The following BRD1 variants were observed in gnomAD, a reference collection of about 807,000 sequenced individuals.
The protein encoded by BRD1 is bromodomain containing 1, also known as bromodomain-containing protein 1.
In BRD1, 24 loss-of-function variants were observed where a neutral mutation model predicts 107.7. The observed-to-expected ratio is 0.22, with a 90% confidence interval of 0.16 to 0.31. The LOEUF is 0.31. BRD1 is among the 10% of genes least tolerant of loss of function. BRD1 has a pLI of 1.00. For synonymous variants in BRD1, 744 were observed against 686.1 expected (o/e 1.08, Z -1.32); for missense variants, 1,279 against 1,638.6 (o/e 0.78, Z 3.79).
rs1444018709 is a variant in BRD1 at position 49,823,501 on chromosome 22, G to A, written c.817C>T (p.Leu273=). 2.5e-6 allele frequency: 4 copies of A among 1,604,606 alleles called. No homozygotes were observed. In the Admixed American group the frequency reaches 5.0e-5, roughly 20 times the overall value. ...AAGGCACCACCCTTGTTGGGGCACA[G>A]CACACAGTCGGCGGGCCGGGCCCGC... is the stretch of plus-strand genomic sequence containing the variant. ...QSRARPADCV[L]CPNKGGAFKK... is the part of the protein sequence containing the mutation. Residue 273 remains leucine (L), a synonymous_variant, in exon 2 of 13, where the codon CTG becomes TTG. Coordinates refer to ENST00000404760, the MANE Select transcript of BRD1 (RefSeq NM_001304808.3).
At chr22:49,782,809 A>G (rs2059238092) in intron 8 of BRD1, among the ~76,000 whole-genome samples, 1 of 130,946 alleles carries the variant, frequency 7.6e-6, no homozygotes, top group Non-Finnish European at 1.6e-5. Context: ...ATGACAATGC[A>G]GCTGGGACGG....
intron 2 of BRD1, among the ~76,000 whole-genome samples, chr22:49,810,361 T>C (rs1416876026): frequency 6.6e-6 from 1 of 152,142 alleles, no homozygotes; most frequent in African/African-American, 2.4e-5. Flanking sequence ...TCTTAAAATA[T>C]ATATATATGT....
At chr22:49,825,235 C>A (rs1057252979) in intron 1 of BRD1, among the ~76,000 whole-genome samples, 2 of 152,280 alleles carry the variant, frequency 1.3e-5, no homozygotes, top group East Asian at 1.9e-4. Context: ...CTGTTCTCCC[C>A]GGCACACGTG....
intron 5 of BRD1, 75 bp downstream of exon 5, chr22:49,798,483 C>T (rs372416004): frequency 2.4e-5 from 38 of 1,611,062 alleles, no homozygotes; most frequent in East Asian, 8.9e-5. Context: ...GCCAATCACA[C>T]GTTTCCCGGT....
chr22:49,827,469 C>G (rs1430489955), intron 1 of BRD1, 28 bp downstream of exon 1: 9 of 144,856 alleles, frequency 6.2e-5, no homozygotes, highest in Non-Finnish European at 1.2e-4. Flanking sequence ...GCGGGGAGGC[C>G]TCCCCGGCCA....
intron 2 of BRD1, among the ~76,000 whole-genome samples, chr22:49,811,510 T>C (rs555833326): frequency 1.3e-5 from 2 of 152,324 alleles, no homozygotes; most frequent in South Asian, 4.1e-4. Flanking sequence ...TGGTACCTGC[T>C]ACTAAGCGGG....
chr22:49,804,073 G>A (rs564071536), intron 3 of BRD1, 131 bp downstream of exon 3: 7 of 726,494 alleles, frequency 9.6e-6, no homozygotes, highest in African/African-American at 5.4e-5. Context: ...AGGGCTGGAC[G>A]AGACGGAGGC....
Position 49,824,538 on chromosome 22 carries a change from G to C in BRD1, c.-14-207C>G. ...GACCAGGGAGGGAGCAGCAGTAACA[G>C]GCAGAGAGGCAGCCTGAGGAGCCCT... On this transcript the variant is annotated intron_variant, in intron 1 of 12. Coordinates refer to ENST00000404760, the MANE Select transcript of BRD1 (RefSeq NM_001304808.3). This position sits in a 1 kb window ranked among gnomAD's most constrained non-coding sequence, Gnocchi z 5.9. The C allele has an allele frequency of 1.4e-6, 2 of 1,391,308 alleles. No homozygotes were observed. Among genetic ancestry groups the C allele is most frequent in the Admixed American group, 3.0e-5 (1 of 33,504 alleles). 86.2% of individuals were successfully genotyped at this position (1,391,308 alleles called of 1,614,324 possible).
intron 10 of BRD1, among the ~76,000 whole-genome samples, chr22:49,776,713 G>T (rs1244370576): frequency 6.6e-6 from 1 of 152,226 alleles, no homozygotes; most frequent in Non-Finnish European, 1.5e-5. Context: ...TCAGTCCCCT[G>T]TGCAGCTGCA....
Position 49,783,342 on chromosome 22 carries a change from G to A in BRD1, c.2857+4048C>T, listed in dbSNP as rs2059252153. The stretch of plus-strand genomic sequence containing the variant: ...TGGGCATTGTGGGGAAAAAACAGAG[G>A]AAGGGGAAGTAAGGGGAGAAGGAAA... On this transcript the variant is annotated intron_variant, in intron 8 of 12. Transcript: ENST00000404760. The surrounding 1 kb of genome is among the most constrained non-coding windows in gnomAD (Gnocchi z 4.2). Among the ~76,000 whole-genome samples, 1 of 152,260 alleles carries A rather than the reference G, an allele frequency of 6.6e-6. No homozygotes were observed. Among genetic ancestry groups the A allele is most frequent in the Admixed American group, 6.5e-5 (1 of 15,288 alleles).
chr22:49,781,561 G>A (rs972964544), intron 8 of BRD1, among the ~76,000 whole-genome samples: 8 of 152,230 alleles, frequency 5.3e-5, no homozygotes, highest in Non-Finnish European at 7.3e-5. Flanking sequence ...CTGAGGGCAC[G>A]GAGCCATGGG....
chr22:49,785,707 C>A (rs1339767576), intron 8 of BRD1, among the ~76,000 whole-genome samples: 1 of 152,344 alleles, frequency 6.6e-6, no homozygotes, highest in African/African-American at 2.4e-5. Flanking sequence ...AATTTAACAT[C>A]AATCCATCAA....
chr22:49,826,178 C>T (rs887540435), intron 1 of BRD1: 1 of 985,314 alleles, frequency 1.0e-6, no homozygotes, highest in Non-Finnish European at 1.2e-6. Context: ...TGTCATTTTC[C>T]CCTCGACAGC....
intron 1 of BRD1, among the ~76,000 whole-genome samples, chr22:49,825,347 G>A (rs781404693): frequency 1.8e-4 from 27 of 152,212 alleles, no homozygotes; most frequent in Non-Finnish European, 2.8e-4. Context: ...CGCTGGCTCA[G>A]GTGCCTGAAG....
chr22:49,776,896 T>A, intron 10 of BRD1, 138 bp downstream of exon 10: 1 of 1,278,852 alleles, frequency 7.8e-7, no homozygotes, highest in Non-Finnish European at 1.1e-6. Flanking sequence ...GATGAACCCT[T>A]CCCCGGGAGG....
intron 8 of BRD1, among the ~76,000 whole-genome samples, chr22:49,780,409 C>T (rs1447561791): frequency 2.0e-5 from 3 of 152,198 alleles, no homozygotes; most frequent in Non-Finnish European, 4.4e-5. Context: ...TGACAGCACC[C>T]GGGAAGACGT....
chr22:49,818,383 C>T, intron 2 of BRD1: 1 of 1,193,546 alleles, frequency 8.4e-7, no homozygotes, highest in South Asian at 1.5e-5. Context: ...TTCTGATGAA[C>T]CTAGGAGTTT....
chr22:49,804,182 G>A (rs773537851), intron 3 of BRD1, 22 bp downstream of exon 3: 2 of 1,553,504 alleles, frequency 1.3e-6, no homozygotes, highest in South Asian at 2.4e-5. Flanking sequence ...CAGAAAGGCT[G>A]TGGGGGCCAC....
Position 49,803,969 on chromosome 22 carries a change from A to G in BRD1, c.1524+235T>C, listed in dbSNP as rs933476420. 9.8e-5 allele frequency among the ~76,000 whole-genome samples: 15 copies of G among 152,316 alleles called. No individual in the cohort carries two copies. The highest frequency in any genetic ancestry group is 3.4e-3 in the Middle Eastern group (1 of 294). ...GGGCAGGGCGGGGGAGCGCAACTCA[A>G]AACGGAAGAAACACCCAGTGACAGG... On this transcript the variant is annotated intron_variant, in intron 3 of 12. Transcript: ENST00000404760. This position sits in a 1 kb window ranked among gnomAD's most constrained non-coding sequence, Gnocchi z 4.4.
Sources: allele counts gnomAD v4.1 joint callset (sites outside exome capture counted in the v4.1 genomes callset), GRCh38; gene constraint gnomAD v4.1.1; non-coding constraint Gnocchi (gnomAD v3.1); transcripts MANE v1.5; gene names NCBI Gene and HGNC (gene_info 2026-07-23, HGNC 2026-07-21).